NLRC5: variants seen among roughly 807,000 people sequenced by gnomAD.
NLRC5 encodes protein NLRC5.
NLRC5 carries 114 observed loss-of-function variants against 206.9 expected under a neutral mutation model. That is an observed-to-expected ratio of 0.55 (90% CI 0.47 to 0.64). NLRC5 has a LOEUF of 0.64. NLRC5 is among the 30% of genes least tolerant of loss of function. The probability of loss-of-function intolerance (pLI) is 0.00; values close to 1 mark genes in which losing one functional copy is unlikely to be tolerated. For synonymous variants in NLRC5, 952 were observed against 962.8 expected (o/e 0.99, Z 0.21); for missense variants, 2,008 against 2,305.5 (o/e 0.87, Z 2.64).
chr16:57,025,632 C>T lies in NLRC5; in HGVS notation c.689C>T (p.Ala230Val), dbSNP rs2061205277. The change falls in exon 6 of 49, where the codon GCT becomes GTT. Residue 230 changes from alanine (A) to valine (V), a missense_variant. Physicochemically the swap from Ala to Val is moderately conservative, Grantham distance 64. Transcript: ENST00000688547. The part of the protein sequence containing the change: ...GPRVTVLLGK[A>V]GMGKTTLAHR... ...AGGGTGACCGTGCTTTTGGGGAAGG[C>T]TGGCATGGGCAAGACCACGCTGGCC... The T allele has an allele frequency of 1.9e-6, 3 of 1,614,048 alleles. No homozygotes were observed. The highest frequency in any genetic ancestry group is 2.5e-6 in the Non-Finnish European group (3 of 1,180,040).
At chr16:56,998,978 A>G (rs1205798608) in intron 1 of NLRC5, among the ~76,000 whole-genome samples, 1 of 152,230 alleles carries the variant, frequency 6.6e-6, no homozygotes, top group Non-Finnish European at 1.5e-5. Context: ...AAACAATAGA[A>G]ATTTATTTCT....
intron 10 of NLRC5, among the ~76,000 whole-genome samples, chr16:57,030,896 C>T (rs1370822847): frequency 6.6e-6 from 1 of 152,178 alleles, no homozygotes; most frequent in African/African-American, 2.4e-5. Context: ...ATTACTTGAG[C>T]TCAGGAGTTC....
At chr16:56,997,841 A>C (rs2057793908) in intron 1 of NLRC5, among the ~76,000 whole-genome samples, 1 of 152,128 alleles carries the variant, frequency 6.6e-6, no homozygotes, top group African/African-American at 2.4e-5. Flanking sequence ...TCAGCCTCCC[A>C]AAGTACTGGG....
At position 57,047,576 on chromosome 16, in the gene NLRC5, C is replaced by T; in HGVS notation, c.3370C>T (p.Leu1124Phe). ...LSECPLEPPSLTRLCATLKDC... is the reference protein window; with the variant it reads ...LSECPLEPPSFTRLCATLKDC... ...TGAGTGTCCTCTGGAGCCCCCAAGC[C>T]TCACCCGCCTCTGTGCCACTCTGAA... Residue 1124 changes from leucine (L) to phenylalanine (F), a missense_variant, in exon 23 of 49, where the codon CTC (leucine) becomes TTC (phenylalanine). Transcript: ENST00000688547. 1 of 1,612,322 alleles carries T rather than the reference C, an allele frequency of 6.2e-7. No individual in the cohort carries two copies. Among genetic ancestry groups the T allele is most frequent in the South Asian group, 1.1e-5 (1 of 90,694 alleles).
Position 57,065,305 on chromosome 16 carries a change from C to A in NLRC5, c.4241+7C>A. 2 of 1,551,008 alleles carry A rather than the reference C, an allele frequency of 1.3e-6. No individual in the cohort carries two copies. The highest frequency in any genetic ancestry group is 1.8e-6 in the Non-Finnish European group (2 of 1,142,688). ...GCAGTGTCACTGAAATCAGGTGAGT[C>A]CAGAGAAGAGGCCCCTTTGGAATTC... On this transcript the variant is annotated splice_region_variant and intron_variant, in intron 33 of 48. Coordinates refer to ENST00000688547, the MANE Select transcript of NLRC5 (RefSeq NM_001384950.1).
chr16:57,062,307 G>A (rs961208628), intron 32 of NLRC5: 17 of 386,758 alleles, frequency 4.4e-5, no homozygotes, highest in East Asian at 1.4e-4. Context: ...CCTTAGTGTC[G>A]GGTACTACCT....
intron 1 of NLRC5, among the ~76,000 whole-genome samples, chr16:57,015,938 A>AG (rs1555515664): frequency 1.4e-5 from 2 of 144,178 alleles, no homozygotes; most frequent in African/African-American, 2.5e-5. Context: ...AAAAAAAAAA[A>AG]AAAAAAAAAA....
chr16:56,994,280 A>G lies in NLRC5; in HGVS notation c.-128+4663A>G, dbSNP rs79166106. On this transcript the variant is annotated intron_variant, in intron 1 of 48. Transcript: ENST00000688547. ...GGGAGATGACTCCCAGAAACTTCTT[A>G]GGGGAAGGATGGCAAAAGGGCATTT... Among the ~76,000 whole-genome samples the G allele has an allele frequency of 8.5e-3, 1,288 of 152,290 alleles. 24 individuals are homozygous for G. Among genetic ancestry groups the G allele is most frequent in the African/African-American group, 0.029 (1,215 of 41,550 alleles).
intron 11 of NLRC5, among the ~76,000 whole-genome samples, chr16:57,032,419 T>C (rs2061983132): frequency 6.6e-6 from 1 of 152,086 alleles, no homozygotes; most frequent in South Asian, 2.1e-4. Flanking sequence ...CCAGTGTCAC[T>C]TTCTTTTCCC....
At chr16:57,078,851 T>C (rs1251902905) in intron 43 of NLRC5, among the ~76,000 whole-genome samples, 199 bp from the exon 44 acceptor site, 1 of 152,138 alleles carries the variant, frequency 6.6e-6, no homozygotes, top group Non-Finnish European at 1.5e-5. Context: ...TCCTTACTCA[T>C]ACACGAAGGA....
At chr16:57,052,070 A>G (rs2064993459) in intron 24 of NLRC5, among the ~76,000 whole-genome samples, 1 of 152,038 alleles carries the variant, frequency 6.6e-6, no homozygotes, top group African/African-American at 2.4e-5. Context: ...TACTTATCAC[A>G]TGCTGCTTTT....
intron 1 of NLRC5, among the ~76,000 whole-genome samples, chr16:56,991,739 T>A (rs2056901955): frequency 6.9e-6 from 1 of 145,202 alleles, no homozygotes; most frequent in Non-Finnish European, 1.5e-5. Context: ...CCTCAAGTGA[T>A]CAGTCTGCCT....
At chr16:57,060,992 G>C (rs2066401975) in intron 30 of NLRC5, among the ~76,000 whole-genome samples, 1 of 152,258 alleles carries the variant, frequency 6.6e-6, no homozygotes, top group African/African-American at 2.4e-5. Context: ...GCCAGTGCTG[G>C]TCCGGGAGAG....
chr16:57,048,295 GC>G (rs1434145517), intron 23 of NLRC5: 1 of 152,206 alleles, frequency 6.6e-6, no homozygotes, highest in Non-Finnish European at 1.5e-5. Flanking sequence ...TCTACTCCTT[GC>G]CTATTTGCAT....
At chr16:57,006,410 C>T (rs1170682050) in intron 1 of NLRC5, among the ~76,000 whole-genome samples, 1 of 73,484 alleles carries the variant, frequency 1.4e-5, no homozygotes, top group Non-Finnish European at 3.0e-5. Context: ...TCATCTTCAT[C>T]CTCTTTTTTT....
chr16:57,030,205 T>TA, intron 10 of NLRC5, 121 bp downstream of exon 10: 1 of 765,428 alleles, frequency 1.3e-6, no homozygotes, highest in South Asian at 1.7e-5. Context: ...CCTACTGTTT[T>TA]ACTCACAGCT....
intron 1 of NLRC5, among the ~76,000 whole-genome samples, chr16:56,999,265 A>T (rs1330338363): frequency 1.3e-5 from 2 of 152,216 alleles, no homozygotes; most frequent in African/African-American, 4.8e-5. Flanking sequence ...GAGCACAAAT[A>T]TTCAGTCGAT....
At chr16:57,073,014 T>C (rs1382347915) in intron 38 of NLRC5, among the ~76,000 whole-genome samples, 7 of 152,296 alleles carry the variant, frequency 4.6e-5, no homozygotes, top group South Asian at 2.1e-4. Context: ...TTGCCCACTG[T>C]CCATGTACCT....
chr16:57,012,990 A>G (rs1344476597), intron 1 of NLRC5: 1 of 156,230 alleles, frequency 6.4e-6, no homozygotes, highest in South Asian at 1.9e-4. Context: ...TTTAAATTTA[A>G]AACACTCATA....
Sources: allele counts gnomAD v4.1 joint callset (sites outside exome capture counted in the v4.1 genomes callset), GRCh38; gene constraint gnomAD v4.1.1; transcripts MANE v1.5; gene names NCBI Gene and HGNC (gene_info 2026-07-23, HGNC 2026-07-21).